The following EPSTI1 variants were observed in gnomAD, a reference collection of about 807,000 sequenced individuals.
EPSTI1 encodes the protein epithelial stromal interaction 1.
A neutral mutation model predicts 49.9 loss-of-function variants in EPSTI1; 66 were observed. The observed-to-expected ratio is 1.32, with a 90% CI of 1.08 to 1.62. The LOEUF (loss-of-function observed/expected upper bound fraction) is 1.62, where lower values mean the gene tolerates loss of function less well. EPSTI1 is among the 40% of genes most tolerant of loss of function. The pLI is 0.00. For synonymous variants in EPSTI1, 137 were observed against 130.7 expected, an observed-to-expected ratio of 1.05 and a Z score of -0.33; for missense variants, 394 against 365.5, an observed-to-expected ratio of 1.08 and a Z score of -0.64.
At chr13:42,983,308 G>A (rs1374431303) in intron 1 of EPSTI1, among the ~76,000 whole-genome samples, 1 of 152,132 alleles carries the variant, frequency 6.6e-6, no homozygotes, top group Non-Finnish European at 1.5e-5. Flanking sequence ...GCTCATGCCT[G>A]TAATCTCAGC....
At chr13:42,929,706 CT>C (rs1430869906) in intron 6 of EPSTI1, among the ~76,000 whole-genome samples, 8 of 152,124 alleles carry the variant, frequency 5.3e-5, no homozygotes, top group African/African-American at 1.9e-4. Flanking sequence ...CTAGCTGTCT[CT>C]GTAATATTTA....
At chr13:42,898,541 C>T (rs1466761842) in intron 9 of EPSTI1, among the ~76,000 whole-genome samples, 1 of 151,908 alleles carries the variant, frequency 6.6e-6, no homozygotes, top group Non-Finnish European at 1.5e-5. Context: ...AAATTTGGAG[C>T]TATACATTTA....
chr13:42,901,133 CA>C (rs1411146258), intron 8 of EPSTI1, among the ~76,000 whole-genome samples: 2 of 151,534 alleles, frequency 1.3e-5, no homozygotes, highest in African/African-American at 2.4e-5. Context: ...ATTTCAAAGA[CA>C]AAAAAAATGC....
intron 6 of EPSTI1, among the ~76,000 whole-genome samples, chr13:42,930,583 T>C (rs921325959): frequency 2.0e-5 from 3 of 151,948 alleles, no homozygotes; most frequent in East Asian, 1.9e-4. Flanking sequence ...TGGGAGAACT[T>C]TGTGCTTAAT....
At chr13:42,901,049 T>C (rs2037338218) in intron 8 of EPSTI1, among the ~76,000 whole-genome samples, 1 of 152,172 alleles carries the variant, frequency 6.6e-6, no homozygotes, top group African/African-American at 2.4e-5. Flanking sequence ...TTTACAGTAT[T>C]ATACCGAAGA....
intron 5 of EPSTI1, among the ~76,000 whole-genome samples, chr13:42,956,174 A>G (rs938651808): frequency 2.0e-5 from 3 of 152,234 alleles, no homozygotes; most frequent in Non-Finnish European, 2.9e-5. Flanking sequence ...AAAGTTCCAC[A>G]GTAACTCAAT....
At chr13:42,912,412 A>AC (rs769504209) in intron 8 of EPSTI1, among the ~76,000 whole-genome samples, 2 of 152,206 alleles carry the variant, frequency 1.3e-5, no homozygotes, top group Admixed American at 6.5e-5. Flanking sequence ...GGCTGGGCTC[A>AC]GGGAAACAGG....
chr13:42,916,140 C>G (rs2037823258), intron 8 of EPSTI1, among the ~76,000 whole-genome samples: 1 of 151,960 alleles, frequency 6.6e-6, no homozygotes, highest in Admixed American at 6.6e-5. Flanking sequence ...TAGCAGACAT[C>G]ATTAAAAGTA....
chr13:42,892,415 G>C (rs925462447), intron 10 of EPSTI1, among the ~76,000 whole-genome samples: 2 of 152,202 alleles, frequency 1.3e-5, no homozygotes, highest in African/African-American at 4.8e-5. Flanking sequence ...TGATGATAAG[G>C]GTGGTGAGAA....
intron 7 of EPSTI1, among the ~76,000 whole-genome samples, chr13:42,920,888 G>A (rs2037972710): frequency 6.6e-6 from 1 of 152,054 alleles, no homozygotes; most frequent in African/African-American, 2.4e-5. Flanking sequence ...GAAAAAAGGA[G>A]GAGTTTGGAG....
intron 8 of EPSTI1, among the ~76,000 whole-genome samples, chr13:42,914,420 A>G (rs2037772497): frequency 6.6e-6 from 1 of 152,140 alleles, no homozygotes; most frequent in African/African-American, 2.4e-5. Context: ...AACCAGAATA[A>G]TACAGTTAAA....
chr13:42,988,037 G>A (rs1458165745), intron 1 of EPSTI1, among the ~76,000 whole-genome samples: 1 of 152,088 alleles, frequency 6.6e-6, no homozygotes, highest in Non-Finnish European at 1.5e-5. Flanking sequence ...CCATATTATA[G>A]GTTCATTTTC....
intron 10 of EPSTI1, among the ~76,000 whole-genome samples, chr13:42,890,488 C>T (rs1228754309): frequency 6.6e-6 from 1 of 151,852 alleles, no homozygotes. Flanking sequence ...TTAGTAGAGA[C>T]GGGGTTTCAT....
rs1045929430 is a variant in EPSTI1, at chr13:42,947,841, C to T, written c.563+6107G>A. Among the ~76,000 whole-genome samples, 216 of 152,212 alleles carry T rather than the reference C, an allele frequency of 1.4e-3. 5 individuals carry two copies. The highest frequency in any genetic ancestry group is 4.7e-4 in the Non-Finnish European group (32 of 68,034). Reference sequence around the variant, plus strand: ...TATGAAGGTATGATAGATGGGAGATCAACCCCGCCTGGTGGCTTCTAGCAG... The same window carrying T: ...TATGAAGGTATGATAGATGGGAGATTAACCCCGCCTGGTGGCTTCTAGCAG... On this transcript the variant is annotated intron_variant, in intron 6 of 10. Coordinates refer to ENST00000313624, the MANE Select transcript of EPSTI1 (RefSeq NM_033255.5).
chr13:42,987,871 T>C (rs893369903), intron 1 of EPSTI1, among the ~76,000 whole-genome samples: 2 of 152,174 alleles, frequency 1.3e-5, no homozygotes, highest in Non-Finnish European at 2.9e-5. Context: ...TTAGTATACA[T>C]AGTGTGCATT....
At chr13:42,893,299 G>A (rs972096293) in intron 10 of EPSTI1, among the ~76,000 whole-genome samples, 2 of 152,170 alleles carry the variant, frequency 1.3e-5, no homozygotes, top group Non-Finnish European at 2.9e-5. Context: ...GTAGAGAGGA[G>A]AGAGTATTAT....
chr13:42,896,083 G>A (rs149550958), intron 9 of EPSTI1, among the ~76,000 whole-genome samples: 335 of 152,252 alleles, frequency 2.2e-3, no homozygotes, highest in African/African-American at 7.8e-3. Flanking sequence ...GGCTGGAGGG[G>A]GTTTCTGGCT....
Position 42,922,187 on chromosome 13 carries a change from A to G in EPSTI1, c.657+4149T>C, listed in dbSNP as rs1053051079. The stretch of plus-strand genomic sequence containing the variant: ...TTGATTAGTCAAGAGATACCAACAC[A>G]TATTAACAGATATTCGGAGCTAACT... On this transcript the variant is annotated intron_variant, in intron 7 of 10. Transcript: ENST00000313624. The surrounding 1 kb of genome is among the most constrained non-coding windows in gnomAD (Gnocchi z 4.8). Among the ~76,000 whole-genome samples, 9 of 152,264 alleles carry G rather than the reference A, an allele frequency of 5.9e-5. No homozygotes were observed. The highest frequency in any genetic ancestry group is 6.5e-5 in the Admixed American group (1 of 15,292).
At chr13:42,972,690 G>C (rs2039795283) in intron 1 of EPSTI1, among the ~76,000 whole-genome samples, 1 of 152,090 alleles carries the variant, frequency 6.6e-6, no homozygotes, top group Admixed American at 6.6e-5. Context: ...ACTTATTATG[G>C]ATTTATTGTA....
Sources: allele counts gnomAD v4.1 joint callset (sites outside exome capture counted in the v4.1 genomes callset), GRCh38; gene constraint gnomAD v4.1.1; non-coding constraint Gnocchi (gnomAD v3.1); transcripts MANE v1.5; gene names NCBI Gene and HGNC (gene_info 2026-07-23, HGNC 2026-07-21).